ROBO1: variants seen among roughly 807,000 people sequenced by gnomAD.
ROBO1 encodes the protein roundabout homolog 1.
In ROBO1, 149 loss-of-function variants were observed where a neutral mutation model predicts 195.9. The ratio of observed to expected loss-of-function variants is 0.76; its 90% confidence interval spans 0.67 to 0.87. ROBO1 has a LOEUF of 0.87. ROBO1 is among the 40% of genes least tolerant of loss of function. The pLI, the probability that ROBO1 is intolerant of heterozygous loss-of-function variation, is 0.00. For synonymous variants in ROBO1, 816 were observed against 733.2 expected (o/e 1.11, Z -1.82); for missense variants, 1,933 against 2,068.3 (o/e 0.93, Z 1.27).
At chr3:79,050,032 T>G (rs541421851) in intron 3 of ROBO1, among the ~76,000 whole-genome samples, 39 of 152,104 alleles carry the variant, frequency 2.6e-4, no homozygotes, top group Non-Finnish European at 4.4e-4. Context: ...AGGATTAAAT[T>G]CACACATAAC....
At chr3:79,036,171 T>C (rs1331632613) in intron 3 of ROBO1, among the ~76,000 whole-genome samples, 2 of 152,158 alleles carry the variant, frequency 1.3e-5, no homozygotes, top group Non-Finnish European at 2.9e-5. Context: ...TTTCTAAATG[T>C]TTATAAACAT....
At chr3:79,380,604 A>T (rs943593573) in intron 2 of ROBO1, among the ~76,000 whole-genome samples, 3 of 152,090 alleles carry the variant, frequency 2.0e-5, no homozygotes, top group Non-Finnish European at 4.4e-5. Context: ...AATATGGTAG[A>T]TTAATGTCAT....
intron 2 of ROBO1, among the ~76,000 whole-genome samples, chr3:79,538,017 A>C (rs1941936706): frequency 6.6e-6 from 1 of 152,202 alleles, no homozygotes; most frequent in African/African-American, 2.4e-5. Context: ...TTTCGAAGCC[A>C]TCCTGGGTCG....
chr3:79,090,419 T>G, intron 3 of ROBO1, among the ~76,000 whole-genome samples: 1 of 152,034 alleles, frequency 6.6e-6, no homozygotes. Context: ...TGAACTTCCT[T>G]TCCCTTCCCT....
chr3:78,976,439 T>C (rs748097182), intron 3 of ROBO1, among the ~76,000 whole-genome samples: 1 of 152,192 alleles, frequency 6.6e-6, no homozygotes. Context: ...CAGGAACCTA[T>C]GAGACTGGAG....
At chr3:78,599,546 C>T (rs1257676646) in intron 30 of ROBO1, among the ~76,000 whole-genome samples, 1 of 152,016 alleles carries the variant, frequency 6.6e-6, no homozygotes, top group Non-Finnish European at 1.5e-5. Flanking sequence ...TGAGAAAATA[C>T]AATCTTTGAA....
chr3:79,405,153 A>G (rs2037498443), intron 2 of ROBO1, among the ~76,000 whole-genome samples: 1 of 152,124 alleles, frequency 6.6e-6, no homozygotes, highest in African/African-American at 2.4e-5. Flanking sequence ...ATGCAACACT[A>G]TAGCATTCTT....
chr3:78,718,790 G>C (rs535539442), intron 5 of ROBO1, among the ~76,000 whole-genome samples: 5 of 140,110 alleles, frequency 3.6e-5, no homozygotes, highest in Non-Finnish European at 7.6e-5. Context: ...GAAGAAGGAA[G>C]GAAGGAAGGA....
chr3:79,616,433 G>A (rs61069228), intron 1 of ROBO1, among the ~76,000 whole-genome samples: 1,761 of 152,250 alleles, frequency 0.012, 30 homozygotes, highest in African/African-American at 0.04. Context: ...GCTCTCAGGA[G>A]CTGTAGGATC....
At chr3:78,604,237 AT>A (rs1232964804) in intron 29 of ROBO1, among the ~76,000 whole-genome samples, 1 of 151,746 alleles carries the variant, frequency 6.6e-6, no homozygotes, top group Admixed American at 6.6e-5. Flanking sequence ...CACCCAGCTA[AT>A]TTTTTTATTT....
chr3:79,351,463 G>C (rs117407108), intron 2 of ROBO1, among the ~76,000 whole-genome samples: 2 of 151,998 alleles, frequency 1.3e-5, no homozygotes, highest in African/African-American at 4.8e-5. Flanking sequence ...TATGTTCCTC[G>C]ATTAGCAAAG....
chr3:79,516,351 A>G (rs945037348), intron 2 of ROBO1, among the ~76,000 whole-genome samples: 1 of 152,100 alleles, frequency 6.6e-6, no homozygotes, highest in African/African-American at 2.4e-5. Flanking sequence ...ATTTACCTAT[A>G]TTTATATTTT....
At chr3:78,892,403 C>G (rs2036959233) in intron 4 of ROBO1, among the ~76,000 whole-genome samples, 1 of 152,172 alleles carries the variant, frequency 6.6e-6, no homozygotes, top group Non-Finnish European at 1.5e-5. Flanking sequence ...GAAGAAATAC[C>G]TGGTGTGAAA....
At chr3:78,989,973 C>T (rs562955950) in intron 3 of ROBO1, among the ~76,000 whole-genome samples, 21 of 151,818 alleles carry the variant, frequency 1.4e-4, no homozygotes, top group Non-Finnish European at 2.5e-4. Context: ...GTCCATAATG[C>T]GTATAAAAAC....
intron 2 of ROBO1, among the ~76,000 whole-genome samples, chr3:79,140,391 C>T (rs928911597): frequency 2.0e-5 from 3 of 152,050 alleles, no homozygotes; most frequent in Middle Eastern, 3.2e-3. Context: ...GAGCCACTAG[C>T]TAACCCTGTG....
chr3:79,489,004 A>T (rs1296514473), intron 2 of ROBO1, among the ~76,000 whole-genome samples: 1 of 152,094 alleles, frequency 6.6e-6, no homozygotes, highest in African/African-American at 2.4e-5. Context: ...AAAACAAATG[A>T]CCAAACATTT....
chr3:78,983,023 T>TCAGCCCCCC (rs1407029543), intron 3 of ROBO1, among the ~76,000 whole-genome samples: 1 of 152,062 alleles, frequency 6.6e-6, no homozygotes, highest in Non-Finnish European at 1.5e-5. Context: ...TCCTCCCACC[T>TCAGCCCCCC]CAGCCTCCCA....
intron 11 of ROBO1, 82 bp from the exon 12 acceptor site, chr3:78,668,647 AT>A: frequency 8.6e-7 from 1 of 1,169,520 alleles, no homozygotes; most frequent in South Asian, 1.4e-5. Flanking sequence ...TTTGTATATG[AT>A]CCATGAATAT....
chr3:78,960,380 A>T (rs932270364), intron 3 of ROBO1, among the ~76,000 whole-genome samples: 2 of 149,722 alleles, frequency 1.3e-5, no homozygotes, highest in African/African-American at 4.9e-5. Flanking sequence ...ATTATATAGC[A>T]ATATGTATTT....
Sources: gnomAD v4.1 joint callset for allele counts (sites outside exome capture counted in the v4.1 genomes callset) on GRCh38, gnomAD v4.1.1 for gene constraint, MANE v1.5 for transcripts, NCBI Gene and HGNC (gene_info 2026-07-23, HGNC 2026-07-21) for gene names.